Variants in ZRANB3 observed in about 807,000 individuals in gnomAD.
The protein encoded by ZRANB3 is DNA annealing helicase and endonuclease ZRANB3.
A neutral mutation model predicts 133.8 loss-of-function variants in ZRANB3; 125 were observed. That is an observed-to-expected ratio of 0.93 (90% confidence interval 0.81 to 1.08). The LOEUF is 1.08. Among genes scored for constraint, ZRANB3 ranks in the 50% least tolerant of loss-of-function variants. The pLI, the probability that ZRANB3 is intolerant of heterozygous loss-of-function variation, is 0.00. For missense variants in ZRANB3, 1,229 were observed against 1,275.5 expected (o/e 0.96, Z 0.56); for synonymous variants, 387 against 432.7 (o/e 0.89, Z 1.31).
rs560022211 is a variant in ZRANB3, at chr2:135,363,194, G to C, written c.181-9566C>G. 2.0e-5 allele frequency among the ~76,000 whole-genome samples: 3 copies of C among 152,256 alleles called. No homozygotes were observed. The East Asian group carries it at 5.8e-4, about 29-fold the overall frequency. On this transcript the variant is annotated intron_variant, in intron 3 of 20. Coordinates refer to ENST00000264159, the MANE Select transcript of ZRANB3 (RefSeq NM_032143.4). ...ATTCTTATTCATTTATTTGAGACAG[G>C]ATCTCGCACTGTTGCCCAGGCTGGA...
At chr2:135,437,639 CAAG>C (rs1306543730) in intron 2 of ZRANB3, among the ~76,000 whole-genome samples, 3 of 152,230 alleles carry the variant, frequency 2.0e-5, no homozygotes, top group South Asian at 4.1e-4. Context: ...TTTAAAAAAT[CAAG>C]AAGAGACTTT....
chr2:135,403,404 G>A (rs1029504527), intron 2 of ZRANB3, among the ~76,000 whole-genome samples: 4 of 152,214 alleles, frequency 2.6e-5, no homozygotes, highest in African/African-American at 7.2e-5. Flanking sequence ...CAAGGCTGGG[G>A]GAGAGGCGCC....
intron 1 of ZRANB3, chr2:135,510,485 A>G: frequency 1.8e-6 from 1 of 545,960 alleles, no homozygotes; most frequent in East Asian, 3.4e-5. Flanking sequence ...AGGCTGGTCA[A>G]AGAAATTCAC....
intron 12 of ZRANB3, among the ~76,000 whole-genome samples, chr2:135,250,226 G>A (rs1266447002): frequency 2.0e-5 from 3 of 152,196 alleles, no homozygotes; most frequent in Non-Finnish European, 2.9e-5. Context: ...GAACTTGAGA[G>A]AGATGATTTA....
chr2:135,229,675 T>C (rs1694909734), intron 13 of ZRANB3, among the ~76,000 whole-genome samples: 2 of 152,138 alleles, frequency 1.3e-5, no homozygotes, highest in South Asian at 4.1e-4. Context: ...CCGCCAATAT[T>C]TTGAAGAGTT....
At chr2:135,235,017 A>C (rs1695221572) in intron 12 of ZRANB3, among the ~76,000 whole-genome samples, 1 of 152,212 alleles carries the variant, frequency 6.6e-6, no homozygotes. Flanking sequence ...TTTTGAAAAG[A>C]TCAACAAAAT....
intron 12 of ZRANB3, among the ~76,000 whole-genome samples, chr2:135,231,166 AT>A (rs1465148153): frequency 6.6e-6 from 1 of 152,170 alleles, no homozygotes; most frequent in East Asian, 1.9e-4. Flanking sequence ...TGTGCCAAGC[AT>A]TTAACATATA....
intron 2 of ZRANB3, among the ~76,000 whole-genome samples, chr2:135,428,426 CAAAAAAA>C (rs34645774): frequency 1.9e-3 from 146 of 75,264 alleles, no homozygotes; most frequent in South Asian, 6.7e-3. Flanking sequence ...ACTTTGTTTC[CAAAAAAA>C]AAAAAAAAAA....
intron 3 of ZRANB3, among the ~76,000 whole-genome samples, chr2:135,390,463 CTT>C (rs1687173281): frequency 6.6e-6 from 1 of 152,134 alleles, no homozygotes; most frequent in Non-Finnish European, 1.5e-5. Flanking sequence ...AGAACAGAAT[CTT>C]TAAAGTTTAG....
Position 135,206,608 on chromosome 2 carries a change from T to G in ZRANB3, c.3009+826A>C, listed in dbSNP as rs961773372. Among the ~76,000 whole-genome samples, 120 of 151,682 alleles carry G rather than the reference T, an allele frequency of 7.9e-4. 1 individual carries two copies. The highest frequency in any genetic ancestry group is 1.9e-4 in the East Asian group (1 of 5,146). On this transcript the variant is annotated intron_variant, in intron 19 of 20. Transcript: ENST00000264159. ...GTATAATTAAGGAATTGTAATTGTGTTGGGTGTGATAACTCATACTGGGAT... is the reference window on the plus strand; with the variant it reads ...GTATAATTAAGGAATTGTAATTGTGGTGGGTGTGATAACTCATACTGGGAT...
At chr2:135,288,012 G>T (rs1395175645) in intron 8 of ZRANB3, among the ~76,000 whole-genome samples, 1 of 152,078 alleles carries the variant, frequency 6.6e-6, no homozygotes, top group Non-Finnish European at 1.5e-5. Context: ...CCTTGTTCCA[G>T]TTCTCAGGGG....
At chr2:135,381,734 G>A (rs1259792509) in intron 3 of ZRANB3, among the ~76,000 whole-genome samples, 1 of 152,208 alleles carries the variant, frequency 6.6e-6, no homozygotes, top group East Asian at 1.9e-4. Context: ...CAGGAAACCA[G>A]TCTGGAGTGG....
chr2:135,241,381 T>TA (rs1327931584), intron 12 of ZRANB3, among the ~76,000 whole-genome samples: 1 of 151,112 alleles, frequency 6.6e-6, no homozygotes, highest in African/African-American at 2.4e-5. Flanking sequence ...TTTTTTTTTT[T>TA]ACCGTATTCT....
chr2:135,340,441 T>C (rs1684598183), intron 6 of ZRANB3, among the ~76,000 whole-genome samples: 1 of 152,186 alleles, frequency 6.6e-6, no homozygotes, highest in Admixed American at 6.5e-5. Flanking sequence ...CATAACTTTC[T>C]TGGCAATTGT....
chr2:135,256,065 C>T (rs1284807173), intron 12 of ZRANB3, among the ~76,000 whole-genome samples: 1 of 151,898 alleles, frequency 6.6e-6, no homozygotes, highest in Non-Finnish European at 1.5e-5. Context: ...CAGGCATGTG[C>T]CACCATGCCC....
At chr2:135,246,654 A>C (rs1695815888) in intron 12 of ZRANB3, among the ~76,000 whole-genome samples, 1 of 152,230 alleles carries the variant, frequency 6.6e-6, no homozygotes, top group Non-Finnish European at 1.5e-5. Context: ...CCATGTCATA[A>C]GGAAAGTGGA....
At chr2:135,291,848 T>C (rs1376614913) in intron 8 of ZRANB3, among the ~76,000 whole-genome samples, 4 of 152,038 alleles carry the variant, frequency 2.6e-5, no homozygotes, top group African/African-American at 9.7e-5. Flanking sequence ...ATGCGGTGTT[T>C]GGTTTTTTCT....
intron 6 of ZRANB3, among the ~76,000 whole-genome samples, chr2:135,320,154 C>T (rs1020279420): frequency 7.9e-5 from 12 of 152,180 alleles, no homozygotes; most frequent in African/African-American, 2.9e-4. Context: ...GATTATCCTG[C>T]TTCAGCGACC....
chr2:135,287,478 G>A (rs1226355706), intron 8 of ZRANB3, among the ~76,000 whole-genome samples: 1 of 152,036 alleles, frequency 6.6e-6, no homozygotes, highest in Non-Finnish European at 1.5e-5. Flanking sequence ...TTATTTTGAT[G>A]GGAATTGCAT....
Sources: allele counts gnomAD v4.1 joint callset (sites outside exome capture counted in the v4.1 genomes callset), GRCh38; gene constraint gnomAD v4.1.1; transcripts MANE v1.5; gene names NCBI Gene and HGNC (gene_info 2026-07-23, HGNC 2026-07-21).